TNFSF4: variants seen among roughly 807,000 people sequenced by gnomAD.
The protein encoded by TNFSF4 is TNF superfamily member 4, also known as tumor necrosis factor ligand superfamily member 4.
A neutral mutation model predicts 7.3 loss-of-function variants in TNFSF4; 4 were observed. The observed-to-expected ratio is 0.55, with a 90% CI of 0.27 to 1.25. The LOEUF is 1.25. TNFSF4 is among the 50% of genes most tolerant of loss of function. The pLI is 0.12. For synonymous variants in TNFSF4, 76 were observed against 83.7 expected, an observed-to-expected ratio of 0.91 and a Z score of 0.50; for missense variants, 181 against 208.8, an observed-to-expected ratio of 0.87 and a Z score of 0.82.
the TNFSF4 span, among the ~76,000 whole-genome samples, chr1:173,277,324 T>C: frequency 6.6e-6 from 1 of 152,154 alleles, no homozygotes; most frequent in South Asian, 2.1e-4. Flanking sequence ...GAGACCTAAA[T>C]ACAGCATTGA....
chr1:173,312,070 A>G, the TNFSF4 span, among the ~76,000 whole-genome samples: 1 of 152,102 alleles, frequency 6.6e-6, no homozygotes, highest in African/African-American at 2.4e-5. Context: ...TGTATTAATT[A>G]TCTGCTAAGT....
At chr1:173,394,290 T>C in the TNFSF4 span, among the ~76,000 whole-genome samples, 4 of 151,926 alleles carry the variant, frequency 2.6e-5, no homozygotes, top group Non-Finnish European at 5.9e-5. Flanking sequence ...TGTTAAGACT[T>C]GATCCTGACT....
the TNFSF4 span, among the ~76,000 whole-genome samples, chr1:173,226,117 T>C: frequency 6.6e-6 from 1 of 152,240 alleles, no homozygotes; most frequent in Non-Finnish European, 1.5e-5. Context: ...TAATTATATG[T>C]ACATCATCCT....
rs750577584 is a variant in TNFSF4, at chr1:173,186,548, G to A, written c.520C>T (p.His174Tyr). 3 of 1,613,490 alleles carry A rather than the reference G, an allele frequency of 1.9e-6. No homozygotes were observed. Among genetic ancestry groups the A allele is most frequent in the East Asian group, 4.5e-5 (2 of 44,886 alleles). ...ACACAGAATTCACCAGGATTTTGAT[G>A]GATAAGAATCAGTTCTCCGCCATTC... The part of the protein sequence containing the change: ...HVNGGELILI[H>Y]QNPGEFCVL The change falls in exon 3 of 3, where the codon CAT becomes TAT. Residue 174 changes from histidine to tyrosine, a missense_variant. His to Tyr is a moderately conservative substitution (Grantham distance 83). Coordinates refer to ENST00000281834, the MANE Select transcript of TNFSF4 (RefSeq NM_003326.5).
the TNFSF4 span, among the ~76,000 whole-genome samples, chr1:173,419,707 G>C: frequency 1.3e-5 from 2 of 152,296 alleles, no homozygotes; most frequent in East Asian, 3.9e-4. Flanking sequence ...GAGGACACAA[G>C]GGAGAATAAA....
chr1:173,367,269 A>G, the TNFSF4 span, among the ~76,000 whole-genome samples: 1 of 152,166 alleles, frequency 6.6e-6, no homozygotes, highest in East Asian at 1.9e-4. Context: ...CCATCCATGG[A>G]TCAACATTTG....
chr1:173,325,728 C>T, the TNFSF4 span, among the ~76,000 whole-genome samples: 1 of 152,200 alleles, frequency 6.6e-6, no homozygotes, highest in Non-Finnish European at 1.5e-5. Context: ...TCAGAGAATA[C>T]TATAAATGCC....
the TNFSF4 span, among the ~76,000 whole-genome samples, chr1:173,341,442 C>A: frequency 6.6e-6 from 1 of 152,134 alleles, no homozygotes; most frequent in East Asian, 1.9e-4. Context: ...ATAGCACAGG[C>A]CCCCTTGCCA....
chr1:173,405,235 A>T, the TNFSF4 span, among the ~76,000 whole-genome samples: 7 of 152,174 alleles, frequency 4.6e-5, no homozygotes, highest in South Asian at 4.2e-4. Context: ...CAACTACTCA[A>T]CTCTGCCTTC....
At chr1:173,373,927 C>A in the TNFSF4 span, among the ~76,000 whole-genome samples, 1 of 152,202 alleles carries the variant, frequency 6.6e-6, no homozygotes, top group Non-Finnish European at 1.5e-5. Flanking sequence ...TTTAAAGCCA[C>A]AGCAACTCAG....
chr1:173,396,770 T>C, the TNFSF4 span, among the ~76,000 whole-genome samples: 2 of 152,172 alleles, frequency 1.3e-5, no homozygotes, highest in African/African-American at 4.8e-5. Flanking sequence ...ATTGGAATCT[T>C]AGAGCGGATT....
chr1:173,270,702 C>T, the TNFSF4 span, among the ~76,000 whole-genome samples: 1 of 152,032 alleles, frequency 6.6e-6, no homozygotes, highest in Non-Finnish European at 1.5e-5. Flanking sequence ...AAACAAGCAA[C>T]AAGGGAGCTA....
chr1:173,323,943 A>G, the TNFSF4 span, among the ~76,000 whole-genome samples: 1 of 152,214 alleles, frequency 6.6e-6, no homozygotes, highest in African/African-American at 2.4e-5. Flanking sequence ...ACTCTGCAGG[A>G]TATTGTCCAC....
the TNFSF4 span, among the ~76,000 whole-genome samples, chr1:173,404,634 ATT>A: frequency 1.6e-3 from 231 of 143,208 alleles, no homozygotes; most frequent in Middle Eastern, 7.4e-3. Context: ...CCTGACTGCC[ATT>A]TTTTTTTTTT....
At chr1:173,275,703 C>T in the TNFSF4 span, among the ~76,000 whole-genome samples, 1 of 152,086 alleles carries the variant, frequency 6.6e-6, no homozygotes, top group Non-Finnish European at 1.5e-5. Flanking sequence ...CATGGAACCC[C>T]TGGGGGAAAA....
chr1:173,404,829 A>T, the TNFSF4 span, among the ~76,000 whole-genome samples: 4 of 151,988 alleles, frequency 2.6e-5, no homozygotes, highest in African/African-American at 9.7e-5. Context: ...ATGGGGTTTC[A>T]CCATGTTGGC....
At chr1:173,380,614 C>T in the TNFSF4 span, among the ~76,000 whole-genome samples, 3 of 152,102 alleles carry the variant, frequency 2.0e-5, no homozygotes, top group East Asian at 1.9e-4. Context: ...CCCTGGGACA[C>T]CCTGCAGCAG....
chr1:173,205,105 GA>G (rs1223833914), intron 1 of TNFSF4, among the ~76,000 whole-genome samples: 3 of 151,948 alleles, frequency 2.0e-5, no homozygotes, highest in Admixed American at 2.0e-4. Flanking sequence ...AACAATATAA[GA>G]AATTACATTA....
the TNFSF4 span, among the ~76,000 whole-genome samples, chr1:173,308,329 G>GTC: frequency 6.7e-6 from 1 of 149,470 alleles, no homozygotes; most frequent in African/African-American, 2.5e-5. Flanking sequence ...GTGTGTGTGT[G>GTC]TTTTATTGAG....
Sources: gnomAD v4.1 joint callset for allele counts (sites outside exome capture counted in the v4.1 genomes callset) on GRCh38, gnomAD v4.1.1 for gene constraint, MANE v1.5 for transcripts, NCBI Gene and HGNC (gene_info 2026-07-23, HGNC 2026-07-21) for gene names.